The following SLCO1B3 variants were observed in gnomAD, a reference collection of about 807,000 sequenced individuals.
SLCO1B3 encodes solute carrier organic anion transporter family member 1B3, also known as liver-specific organic anion transporter 2.
In SLCO1B3, 72 loss-of-function variants were observed where a neutral mutation model predicts 71.8. The observed-to-expected ratio is 1.00, with a 90% CI of 0.83 to 1.22. SLCO1B3 has a LOEUF of 1.22. Among genes scored for constraint, SLCO1B3 ranks in the 50% most tolerant of loss-of-function variants. The pLI is 0.00. For synonymous variants in SLCO1B3, 298 were observed against 278.4 expected (o/e 1.07, Z -0.70); for missense variants, 911 against 819.7 (o/e 1.11, Z -1.36).
rs1866404783 is a variant in SLCO1B3 at position 20,912,531 on chromosome 12, T to C, written c.1866-3473T>C. 3.3e-5 allele frequency among the ~76,000 whole-genome samples: 5 copies of C among 149,554 alleles called. No individual in the cohort carries two copies. In the South Asian group the frequency reaches 1.1e-3, roughly 31 times the overall value. ...TTTTTTTGTATTTTTTCTTTTCTTT[T>C]CTTTTTTTTCAGATGGAGTTTCACT... is the stretch of plus-strand genomic sequence containing the variant. On this transcript the variant is annotated intron_variant, in intron 15 of 15. Transcript: ENST00000381545.
intron 3 of SLCO1B3, among the ~76,000 whole-genome samples, chr12:20,816,452 C>A (rs1029986031): frequency 1.3e-5 from 2 of 152,096 alleles, no homozygotes; most frequent in Non-Finnish European, 1.5e-5. Flanking sequence ...TGAGAACATG[C>A]AATGTTTGTC....
chr12:20,843,902 T>C (rs563968483), intron 3 of SLCO1B3, among the ~76,000 whole-genome samples: 99 of 152,324 alleles, frequency 6.5e-4, no homozygotes, highest in Admixed American at 6.3e-3. Context: ...TATCTAAACT[T>C]TCTCCATATA....
intron 3 of SLCO1B3, among the ~76,000 whole-genome samples, chr12:20,833,119 G>T (rs1298412405): frequency 6.6e-6 from 1 of 151,968 alleles, no homozygotes; most frequent in Admixed American, 6.6e-5. Flanking sequence ...GCCCTTTTCC[G>T]TGTTCAAAGC....
intron 13 of SLCO1B3, among the ~76,000 whole-genome samples, chr12:20,889,694 A>G (rs1439147712): frequency 6.6e-6 from 1 of 152,056 alleles, no homozygotes; most frequent in Non-Finnish European, 1.5e-5. Flanking sequence ...AATCTCATTT[A>G]GATTTTTTCT....
At chr12:20,844,161 A>T (rs1326864359) in intron 3 of SLCO1B3, among the ~76,000 whole-genome samples, 1 of 152,086 alleles carries the variant, frequency 6.6e-6, no homozygotes, top group African/African-American at 2.4e-5. Flanking sequence ...GTGTGTGTAT[A>T]TATACACCTT....
chr12:20,833,687 TAG>T lies in SLCO1B3; in HGVS notation c.84+17873_84+17874del, dbSNP rs1002780593. 2.1e-4 allele frequency among the ~76,000 whole-genome samples: 31 copies of T among 148,330 alleles called. 1 individual carries two copies. The highest frequency in any genetic ancestry group is 7.9e-4 in the East Asian group (4 of 5,046). On this transcript the variant is annotated intron_variant, in intron 3 of 15. Transcript: ENST00000381545. ...GCATATATACATACACTTTATGGTATAGAGAGAGATGATAAATTACATGTATA... is the reference window on the plus strand; with the variant it reads ...GCATATATACATACACTTTATGGTATAGAGAGATGATAAATTACATGTATA...
At chr12:20,884,126 C>G (rs1865747421) in intron 13 of SLCO1B3, among the ~76,000 whole-genome samples, 1 of 152,044 alleles carries the variant, frequency 6.6e-6, no homozygotes, top group Admixed American at 6.6e-5. Flanking sequence ...TTCCTTTTTT[C>G]ACTTATTAGA....
chr12:20,879,366 T>C (rs1286034941), intron 10 of SLCO1B3, 70 bp from the exon 11 acceptor site: 3 of 1,147,450 alleles, frequency 2.6e-6, no homozygotes, highest in African/African-American at 1.6e-5. Context: ...CACTGTGTTT[T>C]ATATATAAAG....
intron 10 of SLCO1B3, 68 bp from the exon 11 acceptor site, chr12:20,879,368 T>C (rs1865645171): frequency 7.8e-6 from 9 of 1,159,014 alleles, no homozygotes; most frequent in South Asian, 1.4e-5. Flanking sequence ...CTGTGTTTTA[T>C]ATATAAAGAC....
At chr12:20,865,242 A>G (rs1182948682) in intron 8 of SLCO1B3, among the ~76,000 whole-genome samples, 9 of 152,176 alleles carry the variant, frequency 5.9e-5, no homozygotes, top group Non-Finnish European at 4.4e-5. Context: ...TACTGATTTA[A>G]CTAGTCATTT....
In SLCO1B3 at chr12:20,904,755, C is replaced by CTTTTT. The variant is rs775996155; in HGVS notation, c.1865+3317_1865+3321dup. ...GCAGACTTCTGCCTGGACATCCAGGCTTTTTTTTTTTTTTTTTTTTTTTTT... is the reference window on the plus strand; with the variant it reads ...GCAGACTTCTGCCTGGACATCCAGGCTTTTTTTTTTTTTTTTTTTTTTTTTTTTTT... On this transcript the variant is annotated intron_variant, in intron 15 of 15. Coordinates refer to ENST00000381545, the MANE Select transcript of SLCO1B3 (RefSeq NM_019844.4). 6.2e-4 allele frequency among the ~76,000 whole-genome samples: 35 copies of CTTTTT among 56,118 alleles called. 2 individuals are homozygous for CTTTTT. The highest frequency in any genetic ancestry group is 2.9e-3 in the African/African-American group (33 of 11,274). The allele number at this position is 56,118 out of a possible 152,430, so 36.8% of individuals were successfully genotyped here. A position where few individuals can be genotyped will look rare whatever the true frequency, so the allele number is the denominator to read the frequency against.
intron 3 of SLCO1B3, among the ~76,000 whole-genome samples, chr12:20,835,326 T>C (rs1225208087): frequency 1.3e-5 from 2 of 152,258 alleles, no homozygotes; most frequent in African/African-American, 4.8e-5. Flanking sequence ...TTAACATTTG[T>C]CTCCTCATTA....
At chr12:20,910,452 C>A (rs1866350235) in intron 15 of SLCO1B3, among the ~76,000 whole-genome samples, 1 of 152,152 alleles carries the variant, frequency 6.6e-6, no homozygotes, top group South Asian at 2.1e-4. Context: ...TGCCTCTTCA[C>A]ATAAACTTTA....
At chr12:20,845,172 A>G (rs1285298648) in intron 3 of SLCO1B3, 14 of 469,768 alleles carry the variant, frequency 3.0e-5, no homozygotes, top group South Asian at 2.2e-4. Flanking sequence ...TTGTGACCCT[A>G]TGTACAAGGT....
chr12:20,867,111 T>C (rs567003241), intron 8 of SLCO1B3, among the ~76,000 whole-genome samples: 48 of 152,272 alleles, frequency 3.2e-4, no homozygotes, highest in African/African-American at 1.1e-3. Context: ...CTGAAGGTGC[T>C]GAAGTGGTCT....
chr12:20,815,099 C>G (rs1043480817), intron 2 of SLCO1B3, among the ~76,000 whole-genome samples: 4 of 151,144 alleles, frequency 2.6e-5, no homozygotes, highest in African/African-American at 9.7e-5. Context: ...TGGCCAGAGT[C>G]TCTCTGAGAG....
chr12:20,821,602 A>G (rs1864308552), intron 3 of SLCO1B3, among the ~76,000 whole-genome samples: 1 of 152,082 alleles, frequency 6.6e-6, no homozygotes, highest in South Asian at 2.1e-4. Context: ...GAAAAGCGGG[A>G]CTTGCCACTA....
intron 15 of SLCO1B3, among the ~76,000 whole-genome samples, chr12:20,909,463 A>T (rs566620231): frequency 6.6e-6 from 1 of 151,220 alleles, no homozygotes; most frequent in African/African-American, 2.4e-5. Flanking sequence ...GTGAGCCACC[A>T]CACCCGGTCA....
At chr12:20,844,731 A>G (rs565543365) in intron 3 of SLCO1B3, among the ~76,000 whole-genome samples, 2 of 151,712 alleles carry the variant, frequency 1.3e-5, no homozygotes, top group African/African-American at 4.8e-5. Context: ...TATGATTTCA[A>G]TTAAAAAAAA....
Sources: gnomAD v4.1 joint callset for allele counts (sites outside exome capture counted in the v4.1 genomes callset) on GRCh38, gnomAD v4.1.1 for gene constraint, MANE v1.5 for transcripts, NCBI Gene and HGNC (gene_info 2026-07-23, HGNC 2026-07-21) for gene names.